The following LMTK2 variants were observed in gnomAD, a reference collection of about 807,000 sequenced individuals.
The protein encoded by LMTK2 is serine/threonine-protein kinase LMTK2.
In LMTK2, 37 loss-of-function variants were observed where a neutral mutation model predicts 127.5. The observed-to-expected ratio is 0.29, with a 90% CI of 0.22 to 0.38. LMTK2 has a LOEUF of 0.38. LMTK2 is among the 10% of genes least tolerant of loss of function. The probability of loss-of-function intolerance (pLI) is 1.00; values close to 1 mark genes in which losing one functional copy is unlikely to be tolerated. For synonymous variants in LMTK2, 819 were observed against 810.1 expected (o/e 1.01, Z -0.19); for missense variants, 1,694 against 1,920.3 (o/e 0.88, Z 2.20).
chr7:98,135,400 C>G (rs933417135), intron 1 of LMTK2, among the ~76,000 whole-genome samples: 1 of 152,130 alleles, frequency 6.6e-6, no homozygotes, highest in Non-Finnish European at 1.5e-5. Flanking sequence ...GCAGCCTCCT[C>G]CTCCTGGGCT....
intron 6 of LMTK2, among the ~76,000 whole-genome samples, chr7:98,170,402 A>G (rs1208443372): frequency 6.6e-6 from 1 of 152,208 alleles, no homozygotes; most frequent in African/African-American, 2.4e-5. Context: ...AAATGTGGGT[A>G]AATGTTTGTA....
Position 98,192,737 on chromosome 7 carries a change from A to G in LMTK2, c.2272A>G (p.Met758Val). The change falls in exon 11 of 14, where the codon ATG becomes GTG. Residue 758 changes from methionine to valine, a missense_variant. Physicochemically the swap from Met to Val is conservative, Grantham distance 21 (BLOSUM62 1). This residue lies in a region of LMTK2 where 527 missense variants were observed against 539.8 expected (regional missense o/e 0.98). Coordinates refer to ENST00000297293, the MANE Select transcript of LMTK2 (RefSeq NM_014916.4). ...TAAGAATGCTGGTTTTACTGAAGCT[A>G]TGTTAGAAACGTCATGTAGAAACTC... is the stretch of plus-strand genomic sequence containing the variant. The part of the protein sequence containing the change: ...ELKNAGFTEA[M>V]LETSCRNSLD... 1.9e-6 allele frequency: 3 copies of G among 1,613,338 alleles called. No homozygotes were observed. Among genetic ancestry groups the G allele is most frequent in the East Asian group, 2.2e-5 (1 of 44,868 alleles).
At position 98,171,310 on chromosome 7, in the gene LMTK2, T is replaced by A. The variant is rs549644725; in HGVS notation, c.658-231T>A. 2.6e-5 allele frequency among the ~76,000 whole-genome samples: 4 copies of A among 152,342 alleles called. No individual in the cohort carries two copies. The highest frequency in any genetic ancestry group is 2.6e-4 in the Admixed American group (4 of 15,308). On this transcript the variant is annotated intron_variant, in intron 6 of 13. Coordinates refer to ENST00000297293, the MANE Select transcript of LMTK2 (RefSeq NM_014916.4). This position sits in a 1 kb window ranked among gnomAD's most constrained non-coding sequence, Gnocchi z 5.1. Reference sequence around the variant, plus strand: ...ATTGCAAAACTATCTTTTTTTAAACTGTTTTGTGTTCCATGTGTTTATGTG... The same window carrying A: ...ATTGCAAAACTATCTTTTTTTAAACAGTTTTGTGTTCCATGTGTTTATGTG...
chr7:98,154,499 T>C (rs1339671696), intron 4 of LMTK2, among the ~76,000 whole-genome samples: 1 of 152,222 alleles, frequency 6.6e-6, no homozygotes, highest in Non-Finnish European at 1.5e-5. Context: ...TAAGTATAAA[T>C]ACATTTTAAA....
chr7:98,150,359 T>C (rs1048433902), intron 3 of LMTK2, among the ~76,000 whole-genome samples: 2 of 151,870 alleles, frequency 1.3e-5, no homozygotes, highest in Non-Finnish European at 2.9e-5. Flanking sequence ...GCATACCCTT[T>C]AGAATGGCTA....
chr7:98,198,300 C>T (rs916630592), intron 11 of LMTK2, among the ~76,000 whole-genome samples: 15 of 151,856 alleles, frequency 9.9e-5, no homozygotes, highest in African/African-American at 3.6e-4. Flanking sequence ...AAGCAATTCT[C>T]CTGCCTCCAC....
chr7:98,118,706 C>T lies in LMTK2; in HGVS notation c.103+11426C>T, dbSNP rs73710341. The stretch of plus-strand genomic sequence containing the variant: ...GTTGTATTGATGTAAATCTCAGTGA[C>T]GGATCAGTGCAGCTGAAAATGCTTC... On this transcript the variant is annotated intron_variant, in intron 1 of 13. Coordinates refer to ENST00000297293, the MANE Select transcript of LMTK2 (RefSeq NM_014916.4). Among the ~76,000 whole-genome samples, 290 of 152,214 alleles carry T rather than the reference C, an allele frequency of 1.9e-3. 2 individuals carry two copies. The highest frequency in any genetic ancestry group is 6.6e-3 in the African/African-American group (275 of 41,530).
At position 98,171,189 on chromosome 7, in the gene LMTK2, G is replaced by A. The variant is rs1797185020; in HGVS notation, c.658-352G>A. On this transcript the variant is annotated intron_variant, in intron 6 of 13. Transcript: ENST00000297293. This position sits in a 1 kb window ranked among gnomAD's most constrained non-coding sequence, Gnocchi z 5.1. ...CCGCCTGGAGTCCATAGAACAGGCA[G>A]TGTGAGTGGCACCATTTCTTACACT... 1.3e-5 allele frequency among the ~76,000 whole-genome samples: 2 copies of A among 152,190 alleles called. No individual in the cohort carries two copies. Among genetic ancestry groups the A allele is most frequent in the Non-Finnish European group, 2.9e-5 (2 of 68,048 alleles).
At position 98,159,357 on chromosome 7, in the gene LMTK2, A is replaced by T. The variant is rs1397401875; in HGVS notation, c.589A>T (p.Ile197Phe). ...EPYYILQHPN[I>F]LQCVGQCVEA... ...TCCCAGCATTCTTCAGCATCCAAATATTCTTCAGTGTGTTGGACAGTGCGT... is the reference window on the plus strand; with the variant it reads ...TCCCAGCATTCTTCAGCATCCAAATTTTCTTCAGTGTGTTGGACAGTGCGT... The change falls in exon 6 of 14, where the codon ATT becomes TTT. Residue 197 changes from isoleucine (I) to phenylalanine (F), a missense_variant. By Grantham distance (21) the Ile-to-Phe change is conservative. This residue lies in a region of LMTK2 where 203 missense variants were observed against 226.2 expected (regional missense o/e 0.90). Transcript: ENST00000297293. 6.2e-7 allele frequency: 1 copy of T among 1,605,140 alleles called. No individual in the cohort carries two copies. Among genetic ancestry groups the T allele is most frequent in the African/African-American group, 1.3e-5 (1 of 74,596 alleles).
chr7:98,172,228 T>C (rs1172488993), intron 7 of LMTK2, among the ~76,000 whole-genome samples: 3 of 152,088 alleles, frequency 2.0e-5, no homozygotes, highest in African/African-American at 7.2e-5. Flanking sequence ...CAGGGGCTGC[T>C]TGTGAGCAGC....
intron 1 of LMTK2, among the ~76,000 whole-genome samples, chr7:98,110,224 C>T (rs191988750): frequency 6.6e-6 from 1 of 152,172 alleles, no homozygotes; most frequent in Non-Finnish European, 1.5e-5. Context: ...CATCTAGATT[C>T]ATTGCTAGAC....
chr7:98,183,769 G>A lies in LMTK2; in HGVS notation c.792-1282G>A, dbSNP rs568309817. ...AGGCTGGTCTTGAACTCCTAGCCTCGAGTGATCCGCCTGCCTTAGCCTCCC... is the reference window on the plus strand; with the variant it reads ...AGGCTGGTCTTGAACTCCTAGCCTCAAGTGATCCGCCTGCCTTAGCCTCCC... On this transcript the variant is annotated intron_variant, in intron 7 of 13. Coordinates refer to ENST00000297293, the MANE Select transcript of LMTK2 (RefSeq NM_014916.4). Among the ~76,000 whole-genome samples, 3 of 152,144 alleles carry A rather than the reference G, an allele frequency of 2.0e-5. No homozygotes were observed. In the South Asian group the frequency reaches 6.2e-4, roughly 32 times the overall value.
chr7:98,159,531 C>G, intron 6 of LMTK2, 106 bp downstream of exon 6: 5 of 751,130 alleles, frequency 6.7e-6, no homozygotes, highest in Non-Finnish European at 9.4e-6. Context: ...GTCTGTCCCC[C>G]ACTTGAAGAA....
At chr7:98,116,390 C>CTG (rs34663305) in intron 1 of LMTK2, among the ~76,000 whole-genome samples, 30,399 of 150,198 alleles carry the variant, frequency 0.2, 3,198 homozygotes, top group South Asian at 0.33. Context: ...CAGTGTGTGT[C>CTG]TGTGTGTGTG....
In LMTK2 at chr7:98,190,634, T is replaced by G. The variant is rs137970637; in HGVS notation, c.999-94T>G. 345 of 1,141,418 alleles carry G rather than the reference T, an allele frequency of 3.0e-4. 1 individual carries two copies. The African/African-American group carries it at 4.5e-3, about 15-fold the overall frequency. The allele number at this position is 1,141,418 out of a possible 1,614,324, so 70.7% of individuals were successfully genotyped here. ...ATTAATAATCTTTTCAATACACACC[T>G]TGTCCTTAAAATTACTGGCTATGTA... On this transcript the variant is annotated intron_variant, in intron 9 of 13. Coordinates refer to ENST00000297293, the MANE Select transcript of LMTK2 (RefSeq NM_014916.4).
At chr7:98,191,288 T>C (rs1797519902) in intron 10 of LMTK2, among the ~76,000 whole-genome samples, 1 of 152,098 alleles carries the variant, frequency 6.6e-6, no homozygotes, top group Non-Finnish European at 1.5e-5. Context: ...GCACAATGGC[T>C]CATCCCTGTA....
intron 6 of LMTK2, among the ~76,000 whole-genome samples, chr7:98,169,649 TGG>T (rs1378461819): frequency 6.6e-6 from 1 of 152,214 alleles, no homozygotes; most frequent in Non-Finnish European, 1.5e-5. Context: ...ACTTTCTCTA[TGG>T]GCTACCTTAT....
chr7:98,151,536 T>C lies in LMTK2; in HGVS notation c.450+81T>C, dbSNP rs756639677. The C allele has an allele frequency of 3.8e-4, 455 of 1,199,926 alleles. 1 individual carries two copies. Among genetic ancestry groups the C allele is most frequent in the Non-Finnish European group, 4.8e-4 (395 of 823,222 alleles). The allele number at this position is 1,199,926 out of a possible 1,614,324, so 74.3% of individuals were successfully genotyped here. A position where few individuals can be genotyped will look rare whatever the true frequency, so the allele number is the denominator to read the frequency against. On this transcript the variant is annotated intron_variant, in intron 4 of 13. Coordinates refer to ENST00000297293, the MANE Select transcript of LMTK2 (RefSeq NM_014916.4). ...AGGGCTGATGAAGAATTGTGTTGTG[T>C]GGAGTTCCACGTGCCCTGTGGGCCC...
At chr7:98,155,015 C>T in intron 5 of LMTK2, 139 bp downstream of exon 5, 1 of 580,548 alleles carries the variant, frequency 1.7e-6, no homozygotes, top group East Asian at 2.9e-5. Context: ...CTAAAATGTC[C>T]AGGCGTCATC....
Sources: gnomAD v4.1 joint callset for allele counts (sites outside exome capture counted in the v4.1 genomes callset) on GRCh38, gnomAD v4.1.1 for gene constraint, gnomAD v4.1.1 regional missense constraint, Gnocchi (gnomAD v3.1) non-coding constraint, MANE v1.5 for transcripts, NCBI Gene and HGNC (gene_info 2026-07-23, HGNC 2026-07-21) for gene names.